ZNF516: variants seen among roughly 807,000 people sequenced by gnomAD.
The protein encoded by ZNF516 is zinc finger protein 516.
In ZNF516, 19 loss-of-function variants were observed where a neutral mutation model predicts 79.7. That is an observed-to-expected ratio of 0.24 (90% confidence interval 0.17 to 0.35). The LOEUF (loss-of-function observed/expected upper bound fraction) is 0.35, where lower values mean the gene tolerates loss of function less well. Among genes scored for constraint, ZNF516 ranks in the 10% least tolerant of loss-of-function variants. The probability of loss-of-function intolerance (pLI) is 1.00; values close to 1 mark genes in which losing one functional copy is unlikely to be tolerated. For missense variants in ZNF516, 1,678 were observed against 1,679.5 expected (o/e 1.00, Z 0.02); for synonymous variants, 877 against 739.5 (o/e 1.19, Z -3.02).
chr18:76,473,905 G>GTGTGT (rs1555718873), intron 1 of ZNF516, among the ~76,000 whole-genome samples: 189 of 8,286 alleles, frequency 0.023, 7 homozygotes, highest in Admixed American at 0.054. Context: ...TTTTTGTGTG[G>GTGTGT]GGGGGGGGGG....
intron 1 of ZNF516, chr18:76,492,547 T>A: frequency 3.0e-6 from 1 of 334,466 alleles, no homozygotes; most frequent in Non-Finnish European, 4.3e-6. Context: ...AGACACATGC[T>A]GCCCTTCACT....
intron 3 of ZNF516, among the ~76,000 whole-genome samples, chr18:76,403,805 TG>T (rs1015753106): frequency 3.3e-5 from 5 of 152,326 alleles, no homozygotes; most frequent in African/African-American, 1.2e-4. Flanking sequence ...ATCAATTTCA[TG>T]ATCTATATGA....
rs977750077 is a variant in ZNF516 at position 76,423,483 on chromosome 18, T to C, written c.1810+17762A>G. 8.6e-5 allele frequency among the ~76,000 whole-genome samples: 12 copies of C among 140,296 alleles called. 1 individual carries two copies. In the East Asian group the frequency reaches 8.6e-4, roughly 10 times the overall value. The allele number at this position is 140,296 out of a possible 152,430, so 92.0% of individuals were successfully genotyped here. On this transcript the variant is annotated intron_variant, in intron 3 of 6. Transcript: ENST00000443185. ...ACATGCAGGCGAAAAGGTTCCCCCCTGAAACACACACATGCCAGTGAAAAG... is the reference window on the plus strand; with the variant it reads ...ACATGCAGGCGAAAAGGTTCCCCCCCGAAACACACACATGCCAGTGAAAAG...
At chr18:76,422,004 C>T (rs2075514609) in intron 3 of ZNF516, among the ~76,000 whole-genome samples, 1 of 152,144 alleles carries the variant, frequency 6.6e-6, no homozygotes, top group Admixed American at 6.5e-5. Context: ...TTAAATAATG[C>T]ACCAGACTAC....
At chr18:76,399,010 G>C (rs1328894745) in intron 3 of ZNF516, among the ~76,000 whole-genome samples, 1 of 152,088 alleles carries the variant, frequency 6.6e-6, no homozygotes, top group Non-Finnish European at 1.5e-5. Flanking sequence ...TAACACAAGC[G>C]GTCTCTGTCC....
rs377019364 is a variant in ZNF516 at position 76,487,598 on chromosome 18, T to C, written c.-272+7546A>G. On this transcript the variant is annotated intron_variant, in intron 1 of 6. Coordinates refer to ENST00000443185, the MANE Select transcript of ZNF516 (RefSeq NM_014643.4). ...TAATTTTATTAATTATTCATAAATG[T>C]AAACATTTGACATGATTCTTTTCTT... Among the ~76,000 whole-genome samples, 13 of 152,238 alleles carry C rather than the reference T, an allele frequency of 8.5e-5. 1 individual carries two copies. Among genetic ancestry groups the C allele is most frequent in the East Asian group, 7.7e-4 (4 of 5,198 alleles).
At chr18:76,370,883 C>T (rs1043959589) in intron 5 of ZNF516, among the ~76,000 whole-genome samples, 12 of 152,220 alleles carry the variant, frequency 7.9e-5, no homozygotes, top group African/African-American at 1.7e-4. Flanking sequence ...ACTTACCACT[C>T]GGCCTGTGTC....
At chr18:76,367,077 C>G (rs1028934670) in intron 6 of ZNF516, among the ~76,000 whole-genome samples, 2 of 152,210 alleles carry the variant, frequency 1.3e-5, no homozygotes, top group Non-Finnish European at 2.9e-5. Context: ...ACAAAGCTCT[C>G]AAACTTACCT....
At position 76,379,776 on chromosome 18, in the gene ZNF516, G is replaced by A. The variant is rs778990580; in HGVS notation, c.2338C>T (p.Arg780Cys). 31 of 1,613,762 alleles carry A rather than the reference G, an allele frequency of 1.9e-5. No individual in the cohort carries two copies. The highest frequency in any genetic ancestry group is 8.8e-5 in the South Asian group (8 of 91,084). ...YYPEVLWMHK[R>C]IWHRVSCNSV... is the part of the protein sequence containing the mutation. Reference sequence around the variant, plus strand: ...TTGCAGCTGACGCGGTGCCAGATGCGTTTGTGCATCCACAGGACCTCGGGG... The same window carrying A: ...TTGCAGCTGACGCGGTGCCAGATGCATTTGTGCATCCACAGGACCTCGGGG... The change falls in exon 4 of 7, where the codon CGC becomes TGC. Residue 780 changes from arginine (R) to cysteine (C), a missense_variant. By Grantham distance (180) the Arg-to-Cys change is radical (BLOSUM62 -3). Around this residue, in one of 5 missense-constraint regions of ZNF516, gnomAD observed 1,294 missense variants for 1,248.3 expected, o/e 1.04. Transcript: ENST00000443185.
chr18:76,402,995 T>C (rs1465234930), intron 3 of ZNF516, among the ~76,000 whole-genome samples: 1 of 152,196 alleles, frequency 6.6e-6, no homozygotes, highest in East Asian at 1.9e-4. Flanking sequence ...AGGGAGACTG[T>C]GCTCACCTGC....
At chr18:76,382,520 C>T (rs148736466) in intron 3 of ZNF516, among the ~76,000 whole-genome samples, 257 of 152,244 alleles carry the variant, frequency 1.7e-3, no homozygotes, top group Non-Finnish European at 2.7e-3. Flanking sequence ...TTTCAAAGCA[C>T]GACTGTCGAG....
chr18:76,416,912 T>C (rs2075439634), intron 3 of ZNF516, among the ~76,000 whole-genome samples: 1 of 152,120 alleles, frequency 6.6e-6, no homozygotes, highest in Non-Finnish European at 1.5e-5. Flanking sequence ...ACCGCTGTTG[T>C]TAATAAGCAA....
intron 3 of ZNF516, among the ~76,000 whole-genome samples, chr18:76,400,987 A>G (rs888542507): frequency 6.6e-6 from 1 of 152,178 alleles, no homozygotes; most frequent in Non-Finnish European, 1.5e-5. Flanking sequence ...ATATATATAC[A>G]TTTCTCCTTC....
chr18:76,463,798 T>C (rs997054957), intron 1 of ZNF516, among the ~76,000 whole-genome samples: 4 of 152,156 alleles, frequency 2.6e-5, no homozygotes, highest in Admixed American at 6.5e-5. Flanking sequence ...TGAAAGTCAT[T>C]CCAAAGCGAT....
chr18:76,378,072 G>A (rs747392791), intron 4 of ZNF516: 18 of 152,216 alleles, frequency 1.2e-4, no homozygotes, highest in Non-Finnish European at 2.5e-4. Flanking sequence ...TGAACTGAGA[G>A]ACTCTGTTTT....
chr18:76,491,630 C>T, intron 1 of ZNF516: 2 of 688,310 alleles, frequency 2.9e-6, no homozygotes, highest in Non-Finnish European at 3.5e-6. Flanking sequence ...GCCCCGCCCA[C>T]GGCCCTCCTC....
chr18:76,459,338 C>G lies in ZNF516; in HGVS notation c.-158+3690G>C, dbSNP rs1321138538. ...CGGTGACAGCCCTGACCCGTGGCCA[C>G]CATCCACTCAACATCATTGAGCCCT... On this transcript the variant is annotated intron_variant, in intron 2 of 6. Coordinates refer to ENST00000443185, the MANE Select transcript of ZNF516 (RefSeq NM_014643.4). The surrounding 1 kb of genome is among the most constrained non-coding windows in gnomAD (Gnocchi z 5.0). Among the ~76,000 whole-genome samples the G allele has an allele frequency of 1.3e-5, 2 of 152,220 alleles. No homozygotes were observed. The highest frequency in any genetic ancestry group is 2.9e-5 in the Non-Finnish European group (2 of 68,024).
intron 1 of ZNF516, among the ~76,000 whole-genome samples, chr18:76,479,176 G>C (rs972852849): frequency 6.6e-6 from 1 of 152,152 alleles, no homozygotes; most frequent in East Asian, 1.9e-4. Flanking sequence ...GCGATCTTAA[G>C]AGTCACATGA....
chr18:76,496,368 C>T (rs1406190297), upstream of ZNF516: 1 of 1,289,556 alleles, frequency 7.8e-7, no homozygotes, highest in African/African-American at 1.5e-5. Flanking sequence ...CTCCGCGTAG[C>T]AATCAGCGCT....
Sources: gnomAD v4.1 joint callset for allele counts (sites outside exome capture counted in the v4.1 genomes callset) on GRCh38, gnomAD v4.1.1 for gene constraint, gnomAD v4.1.1 regional missense constraint, Gnocchi (gnomAD v3.1) non-coding constraint, MANE v1.5 for transcripts, NCBI Gene and HGNC (gene_info 2026-07-23, HGNC 2026-07-21) for gene names.